The following SLC22A15 variants were observed in gnomAD, a reference collection of about 807,000 sequenced individuals.
SLC22A15 encodes the protein flipt 1.
A neutral mutation model predicts 62.7 loss-of-function variants in SLC22A15; 45 were observed. That is an observed-to-expected ratio of 0.72 (90% CI 0.56 to 0.92). The LOEUF (loss-of-function observed/expected upper bound fraction) is 0.92. Ranked by LOEUF, SLC22A15 falls within the 40% of genes least tolerant of loss-of-function variation. The pLI, the probability that SLC22A15 is intolerant of heterozygous loss-of-function variation, is 0.00. For missense variants in SLC22A15, 622 were observed against 665.6 expected (o/e 0.93, Z 0.72); for synonymous variants, 264 against 267.0 (o/e 0.99, Z 0.11).
intron 2 of SLC22A15, among the ~76,000 whole-genome samples, chr1:116,015,982 G>A (rs1557887388): frequency 6.6e-6 from 1 of 152,040 alleles, no homozygotes; most frequent in Non-Finnish European, 1.5e-5. Flanking sequence ...AACTATCCAT[G>A]TTTCAAAATA....
chr1:116,020,646 TA>T, intron 3 of SLC22A15, 74 bp from the exon 4 acceptor site: 1 of 1,136,892 alleles, frequency 8.8e-7, no homozygotes. Flanking sequence ...TTTTATAAGC[TA>T]ATGAATATAA....
At position 116,066,207 on chromosome 1, in the gene SLC22A15, G is replaced by C. The variant is rs76720732; in HGVS notation, c.1366-313G>C. Among the ~76,000 whole-genome samples the C allele has an allele frequency of 3.4e-3, 515 of 152,268 alleles. 3 individuals are homozygous for C. The highest frequency in any genetic ancestry group is 0.017 in the Middle Eastern group (5 of 294). On this transcript the variant is annotated intron_variant, in intron 10 of 11. Coordinates refer to ENST00000369503, the MANE Select transcript of SLC22A15 (RefSeq NM_018420.3). ...ATGTCCTGTCAGCTCTGGCCATATAGGCCTGCCTGCTCAGAGGCAGCCTGG... is the reference window on the plus strand; with the variant it reads ...ATGTCCTGTCAGCTCTGGCCATATACGCCTGCCTGCTCAGAGGCAGCCTGG...
chr1:115,978,979 C>T (rs1654463608), intron 1 of SLC22A15, among the ~76,000 whole-genome samples: 1 of 152,264 alleles, frequency 6.6e-6, no homozygotes. Flanking sequence ...AGAGAGGGAG[C>T]CTCTGCTTCA....
chr1:115,976,707 T>C lies in SLC22A15; in HGVS notation c.80T>C (p.Leu27Pro), dbSNP rs1654304515. ...TACTTGTGCTTCCTGCTGGCCGTGC[T>C]GCTGCAGGTAAGTCCCCGCGGCCCC... ...QMYLCFLLAV[L>P]LQLYVATEAI... The change falls in exon 1 of 12, where the codon CTG becomes CCG. Residue 27 changes from leucine to proline, a missense_variant. Transcript: ENST00000369503. 6.3e-7 allele frequency: 1 copy of C among 1,582,812 alleles called. No homozygotes were observed.
intron 1 of SLC22A15, among the ~76,000 whole-genome samples, chr1:115,988,950 C>T (rs545135906): frequency 6.6e-6 from 1 of 152,256 alleles, no homozygotes; most frequent in Non-Finnish European, 1.5e-5. Flanking sequence ...CCTCTTCTGG[C>T]TCCCTTATGG....
intron 2 of SLC22A15, among the ~76,000 whole-genome samples, chr1:116,016,757 C>T (rs1448629457): frequency 1.3e-5 from 2 of 152,140 alleles, no homozygotes; most frequent in Non-Finnish European, 2.9e-5. Flanking sequence ...GGTGACTCTT[C>T]CATTCGTTCC....
At chr1:116,005,018 C>A (rs941340775) in intron 2 of SLC22A15, among the ~76,000 whole-genome samples, 2 of 152,078 alleles carry the variant, frequency 1.3e-5, no homozygotes, top group Non-Finnish European at 2.9e-5. Context: ...AATGATTTCC[C>A]TTCTTTTATT....
At chr1:116,031,655 C>G (rs754692050) in intron 6 of SLC22A15, 74 bp downstream of exon 6, 135 of 1,585,636 alleles carry the variant, frequency 8.5e-5, no homozygotes, top group Non-Finnish European at 1.1e-4. Flanking sequence ...CCTGCTCCTT[C>G]TTCAGGGTAC....
intron 2 of SLC22A15, among the ~76,000 whole-genome samples, chr1:116,005,085 TAG>T (rs896626168): frequency 1.3e-5 from 2 of 152,248 alleles, no homozygotes; most frequent in Non-Finnish European, 2.9e-5. Context: ...TCAGTCATTA[TAG>T]AGATTTGTCA....
At chr1:115,988,908 T>C (rs1655014922) in intron 1 of SLC22A15, among the ~76,000 whole-genome samples, 2 of 152,196 alleles carry the variant, frequency 1.3e-5, no homozygotes, top group South Asian at 2.1e-4. Context: ...ACCCCTTTCA[T>C]AGCATTTATG....
chr1:115,997,610 A>G (rs183324026), intron 2 of SLC22A15, among the ~76,000 whole-genome samples: 136 of 152,218 alleles, frequency 8.9e-4, no homozygotes, highest in Non-Finnish European at 1.5e-3. Flanking sequence ...ATTGTTCACT[A>G]TTAGCATATA....
intron 1 of SLC22A15, among the ~76,000 whole-genome samples, chr1:115,978,699 A>T (rs895201504): frequency 6.6e-6 from 1 of 152,154 alleles, no homozygotes; most frequent in Non-Finnish European, 1.5e-5. Flanking sequence ...ATATCCCCAA[A>T]GACCTCTCTA....
At chr1:115,986,274 T>C (rs1462864469) in intron 1 of SLC22A15, among the ~76,000 whole-genome samples, 2 of 152,178 alleles carry the variant, frequency 1.3e-5, no homozygotes, top group Admixed American at 6.5e-5. Flanking sequence ...ACATATTTGA[T>C]ATATATATGA....
chr1:116,037,495 A>G lies in SLC22A15; in HGVS notation c.1171+107A>G, dbSNP rs1396556925. The stretch of plus-strand genomic sequence containing the variant: ...TGGCATGCTTCATTTCTGTGATTGC[A>G]TATTGTTTAGCAATTGTGTGGGATA... On this transcript the variant is annotated intron_variant, in intron 8 of 11. Coordinates refer to ENST00000369503, the MANE Select transcript of SLC22A15 (RefSeq NM_018420.3). 3.5e-6 allele frequency: 3 copies of G among 846,980 alleles called. No individual in the cohort carries two copies. In the African/African-American group the frequency reaches 5.0e-5, roughly 14 times the overall value. 52.5% of individuals were successfully genotyped at this position (846,980 alleles called of 1,614,324 possible).
chr1:115,993,892 C>G (rs1400911187), intron 2 of SLC22A15, among the ~76,000 whole-genome samples: 1 of 152,146 alleles, frequency 6.6e-6, no homozygotes, highest in African/African-American at 2.4e-5. Context: ...GACCCAAGCT[C>G]TCAGCATAAC....
chr1:116,007,289 C>T (rs965082634), intron 2 of SLC22A15, among the ~76,000 whole-genome samples: 2 of 152,194 alleles, frequency 1.3e-5, no homozygotes, highest in South Asian at 2.1e-4. Flanking sequence ...ACTGCCACCC[C>T]GTGGCACCTC....
At chr1:116,029,118 T>C (rs1657261974) in intron 5 of SLC22A15, among the ~76,000 whole-genome samples, 1 of 152,176 alleles carries the variant, frequency 6.6e-6, no homozygotes, top group African/African-American at 2.4e-5. Flanking sequence ...CAGTAGATCC[T>C]TGGACATTGC....
At chr1:116,053,657 A>C (rs1230170499) in intron 8 of SLC22A15, among the ~76,000 whole-genome samples, 2 of 152,204 alleles carry the variant, frequency 1.3e-5, no homozygotes, top group African/African-American at 4.8e-5. Context: ...CCAGAGAGAA[A>C]GGTTGGGTTA....
Position 116,020,901 on chromosome 1 carries a change from T to TGCAGCTCTGGACTGGGTGA in SLC22A15, c.598+24_598+42dup, listed in dbSNP as rs1295626621. On this transcript the variant is annotated intron_variant, in intron 4 of 11. Transcript: ENST00000369503. ...GCACTTGCAGGTACTACTTAAATCA[T>TGCAGCTCTGGACTGGGTGA]GCAGCTCTGGACTGGGTGAGCAGCT... 2 of 1,609,624 alleles carry TGCAGCTCTGGACTGGGTGA rather than the reference T, an allele frequency of 1.2e-6. No homozygotes were observed. The highest frequency in any genetic ancestry group is 2.2e-5 in the South Asian group (2 of 90,248).
Sources: gnomAD v4.1 joint callset for allele counts (sites outside exome capture counted in the v4.1 genomes callset) on GRCh38, gnomAD v4.1.1 for gene constraint, MANE v1.5 for transcripts, NCBI Gene and HGNC (gene_info 2026-07-23, HGNC 2026-07-21) for gene names.